The following SSX2IP variants were observed in gnomAD, a reference collection of about 807,000 sequenced individuals.
SSX2IP encodes afadin- and alpha-actinin-binding protein.
A neutral mutation model predicts 84.9 loss-of-function variants in SSX2IP; 55 were observed. The ratio of observed to expected loss-of-function variants is 0.65; its 90% CI spans 0.52 to 0.81. The LOEUF is 0.81. Among genes scored for constraint, SSX2IP ranks in the 30% least tolerant of loss-of-function variants. The probability of loss-of-function intolerance (pLI) is 0.00; values close to 1 mark genes in which losing one functional copy is unlikely to be tolerated. For synonymous variants in SSX2IP, 239 were observed against 234.7 expected, an observed-to-expected ratio of 1.02 and a Z score of -0.17; for missense variants, 664 against 705.2, an observed-to-expected ratio of 0.94 and a Z score of 0.66.
At position 84,647,371 on chromosome 1, in the gene SSX2IP, T is replaced by C; in HGVS notation, c.*62A>G. 1 of 1,411,186 alleles carries C rather than the reference T, an allele frequency of 7.1e-7. No individual in the cohort carries two copies. Among genetic ancestry groups the C allele is most frequent in the Non-Finnish European group, 9.5e-7 (1 of 1,049,610 alleles). The allele number at this position is 1,411,186 out of a possible 1,614,324, so 87.4% of individuals were successfully genotyped here. On this transcript the variant is annotated 3_prime_UTR_variant, in exon 14 of 14. Coordinates refer to ENST00000342203, the MANE Select transcript of SSX2IP (RefSeq NM_001166293.2). ...AGATAACTGACTTTATGACACACCC[T>C]GTTTCAACTTAGATGTGAAACTTGA...
chr1:84,659,321 C>A (rs4145792), intron 8 of SSX2IP, among the ~76,000 whole-genome samples: 76 of 152,220 alleles, frequency 5.0e-4, no homozygotes, highest in Non-Finnish European at 9.0e-4. Context: ...TTGAGGTCAG[C>A]AATGGGCTAG....
rs1649358461 is a variant in SSX2IP at position 84,645,484 on chromosome 1, T to C, written c.*1949A>G. 1 of 152,208 alleles carries C rather than the reference T, an allele frequency of 6.6e-6. No individual in the cohort carries two copies. Among genetic ancestry groups the C allele is most frequent in the Non-Finnish European group, 1.5e-5 (1 of 68,028 alleles). The allele number at this position is 152,208 out of a possible 1,614,324, so 9.4% of individuals were successfully genotyped here. A position where few individuals can be genotyped will look rare whatever the true frequency, so the allele number is the denominator to read the frequency against. On this transcript the variant is annotated 3_prime_UTR_variant, in exon 14 of 14. Coordinates refer to ENST00000342203, the MANE Select transcript of SSX2IP (RefSeq NM_001166293.2). ...TTTCCAATTTGAGAACTCAACTCAC[T>C]TTAAAATGGAAACACGCAACAAAAA...
chr1:84,661,553 A>G (rs1651983524), intron 8 of SSX2IP, among the ~76,000 whole-genome samples: 1 of 152,254 alleles, frequency 6.6e-6, no homozygotes, highest in South Asian at 2.1e-4. Flanking sequence ...TGTAATAATC[A>G]CTTCTCCACG....
In SSX2IP at chr1:84,658,442, G is replaced by A. The variant is rs374854979; in HGVS notation, c.954C>T (p.Ala318=). 3.3e-5 allele frequency: 54 copies of A among 1,613,736 alleles called. No individual in the cohort carries two copies. Among genetic ancestry groups the A allele is most frequent in the South Asian group, 5.5e-5 (5 of 91,026 alleles). ...GTVISDVEED[A]GELSRESMWD... is the part of the protein sequence containing the mutation. ...ACATACTCTCTCTGCTTAGTTCCCC[G>A]GCATCTTCTTCAACATCGGAAATAA... The change falls in exon 9 of 14, where the codon GCC becomes GCT. Residue 318 remains alanine (A), a synonymous_variant. Transcript: ENST00000342203.
chr1:84,649,983 A>G, intron 13 of SSX2IP: 1 of 604,702 alleles, frequency 1.7e-6, no homozygotes, highest in Non-Finnish European at 3.1e-6. Flanking sequence ...GCCGGAAAAA[A>G]GTGTTAAGAT....
Position 84,667,575 on chromosome 1 carries a change from C to T in SSX2IP, c.427-1343G>A, listed in dbSNP as rs186126771. Among the ~76,000 whole-genome samples, 8 of 152,228 alleles carry T rather than the reference C, an allele frequency of 5.3e-5. No individual in the cohort carries two copies. In the East Asian group the frequency reaches 1.5e-3, roughly 29 times the overall value. On this transcript the variant is annotated intron_variant, in intron 4 of 13. Transcript: ENST00000342203. ...CACATTGTCTTCCTCCTGTTTACAACTCCTCAGTGCTTCCCTGTTTTTGTA... is the reference window on the plus strand; with the variant it reads ...CACATTGTCTTCCTCCTGTTTACAATTCCTCAGTGCTTCCCTGTTTTTGTA...
chr1:84,658,979 T>C (rs1651526699), intron 8 of SSX2IP, among the ~76,000 whole-genome samples: 1 of 82,094 alleles, frequency 1.2e-5, no homozygotes, highest in Non-Finnish European at 2.9e-5. Context: ...GGGAGATACT[T>C]TTCTTTGTAT....
At chr1:84,678,507 A>G (rs1654671650) in intron 1 of SSX2IP, among the ~76,000 whole-genome samples, 1 of 152,064 alleles carries the variant, frequency 6.6e-6, no homozygotes, top group South Asian at 2.1e-4. Context: ...ATCTTTCCCA[A>G]CCACACTCTC....
chr1:84,661,018 G>C (rs1651891192), intron 8 of SSX2IP, among the ~76,000 whole-genome samples: 1 of 145,494 alleles, frequency 6.9e-6, no homozygotes, highest in African/African-American at 2.5e-5. Context: ...AGCGAGTCGA[G>C]ATTGTGCCAC....
rs1424631802 is a variant in SSX2IP, at chr1:84,646,253, A to G, written c.*1180T>C. The G allele has an allele frequency of 6.6e-6, 1 of 152,564 alleles. No homozygotes were observed. The allele number at this position is 152,564 out of a possible 1,614,324, so 9.5% of individuals were successfully genotyped here. ...GGAAAGAGCTGAGCCTACATTTATT[A>G]TTATTACTATCAAAACAACAACATA... On this transcript the variant is annotated 3_prime_UTR_variant, in exon 14 of 14. Transcript: ENST00000342203.
chr1:84,688,621 T>A (rs926639734), intron 1 of SSX2IP, among the ~76,000 whole-genome samples: 7 of 152,212 alleles, frequency 4.6e-5, no homozygotes. Context: ...AAGTATACAA[T>A]TGGACACTGT....
chr1:84,649,998 A>T (rs1297680114), intron 13 of SSX2IP: 1 of 623,170 alleles, frequency 1.6e-6, no homozygotes, highest in Admixed American at 1.9e-5. Context: ...TAAGATATGT[A>T]CTCTACAAAA....
In SSX2IP at chr1:84,658,449, T is replaced by G. The variant is rs970939463; in HGVS notation, c.947A>C (p.Glu316Ala). ...CTCTCTGCTTAGTTCCCCGGCATCT[T>G]CTTCAACATCGGAAATAACCTACAA... ...STGTVISDVE[E>A]DAGELSRESM... The change falls in exon 9 of 14, where the codon GAA (glutamate) becomes GCA (alanine). Residue 316 changes from glutamate (E) to alanine (A), a missense_variant. Physicochemically the swap from Glu to Ala is moderately radical, Grantham distance 107 (BLOSUM62 -1). Transcript: ENST00000342203. The G allele has an allele frequency of 1.2e-6, 2 of 1,614,038 alleles. No individual in the cohort carries two copies. The highest frequency in any genetic ancestry group is 1.7e-6 in the Non-Finnish European group (2 of 1,179,970).
chr1:84,685,495 C>T (rs1459647808), intron 1 of SSX2IP, among the ~76,000 whole-genome samples: 1 of 152,142 alleles, frequency 6.6e-6, no homozygotes, highest in African/African-American at 2.4e-5. Flanking sequence ...TCACGCTAGC[C>T]CTAGGAAGGA....
At chr1:84,650,706 G>A (rs570220038) in intron 12 of SSX2IP, among the ~76,000 whole-genome samples, 179 bp from the exon 13 acceptor site, 1 of 55,086 alleles carries the variant, frequency 1.8e-5, no homozygotes, top group South Asian at 6.9e-4. Flanking sequence ...ATGTTTAAAA[G>A]GATCTTTTTT....
intron 11 of SSX2IP, chr1:84,655,344 AC>A (rs1650925361): frequency 9.1e-7 from 1 of 1,098,684 alleles, no homozygotes; most frequent in South Asian, 2.3e-5. Flanking sequence ...CATTACTGCT[AC>A]AATTTTTGAA....
intron 1 of SSX2IP, among the ~76,000 whole-genome samples, chr1:84,678,003 A>G (rs1654602569): frequency 6.6e-6 from 1 of 152,236 alleles, no homozygotes; most frequent in Admixed American, 6.5e-5. Context: ...GATAACTCAT[A>G]CAAGTTTTTA....
In SSX2IP at chr1:84,670,677, T is replaced by C; in HGVS notation, c.182A>G (p.Asn61Ser). The change falls in exon 3 of 14, where the codon AAT becomes AGT. Residue 61 changes from asparagine (N) to serine (S), a missense_variant. Physicochemically the swap from Asn to Ser is conservative, Grantham distance 46. Coordinates refer to ENST00000342203, the MANE Select transcript of SSX2IP (RefSeq NM_001166293.2). ...AAGATATGAGATACTCTGTTCAATATTATCTTCTGTGCAGAAGGCACTGAA... is the reference window on the plus strand; with the variant it reads ...AAGATATGAGATACTCTGTTCAATACTATCTTCTGTGCAGAAGGCACTGAA... The part of the protein sequence containing the change: ...SFFSAFCTED[N>S]IEQSISYLDQ... The C allele has an allele frequency of 6.2e-7, 1 of 1,611,416 alleles. No homozygotes were observed. Among genetic ancestry groups the C allele is most frequent in the Non-Finnish European group, 8.5e-7 (1 of 1,178,564 alleles).
At chr1:84,674,351 A>G (rs750347209) in intron 1 of SSX2IP, among the ~76,000 whole-genome samples, 26 of 152,162 alleles carry the variant, frequency 1.7e-4, no homozygotes, top group African/African-American at 3.1e-4. Flanking sequence ...TCTAAAACCT[A>G]TAACAAAATG....
Sources: gnomAD v4.1 joint callset for allele counts (sites outside exome capture counted in the v4.1 genomes callset) on GRCh38, gnomAD v4.1.1 for gene constraint, MANE v1.5 for transcripts, NCBI Gene and HGNC (gene_info 2026-07-23, HGNC 2026-07-21) for gene names.